Variants in QPCT observed in about 807,000 individuals in gnomAD.
QPCT encodes glutaminyl-peptide cyclotransferase.
Under a neutral mutation model 43.4 loss-of-function variants are expected in QPCT, and 44 were observed. That is an observed-to-expected ratio of 1.01 (90% confidence interval 0.80 to 1.30). The LOEUF is 1.30. QPCT is among the 50% of genes most tolerant of loss of function. QPCT has a pLI of 0.00. For synonymous variants in QPCT, 168 were observed against 168.4 expected, an observed-to-expected ratio of 1.00 and a Z score of 0.02; for missense variants, 526 against 436.5, an observed-to-expected ratio of 1.21 and a Z score of -1.83.
At chr2:37,363,036 AT>A (rs933017844) in intron 3 of QPCT, among the ~76,000 whole-genome samples, 8 of 152,210 alleles carry the variant, frequency 5.3e-5, no homozygotes, top group Non-Finnish European at 1.0e-4. Flanking sequence ...AATCGGGGAG[AT>A]TAGGCGAAAG....
chr2:37,346,030 A>C (rs1672482645), intron 1 of QPCT, among the ~76,000 whole-genome samples: 1 of 152,234 alleles, frequency 6.6e-6, no homozygotes, highest in South Asian at 2.1e-4. Context: ...AAACTTTGGC[A>C]GTGTTATTGA....
chr2:37,366,077 T>C (rs1268402426), intron 3 of QPCT, among the ~76,000 whole-genome samples: 2 of 152,140 alleles, frequency 1.3e-5, no homozygotes, highest in African/African-American at 4.8e-5. Flanking sequence ...ATTGGCATGA[T>C]TGACTGGAAT....
Position 37,367,413 on chromosome 2 carries a change from G to A in QPCT, c.723+5G>A, listed in dbSNP as rs1267392281. 1.2e-6 allele frequency: 2 copies of A among 1,612,446 alleles called. No individual in the cohort carries two copies. Among genetic ancestry groups the A allele is most frequent in the Non-Finnish European group, 8.5e-7 (1 of 1,179,466 alleles). On this transcript the variant is annotated splice_donor_5th_base_variant and intron_variant, in intron 4 of 6. Transcript: ENST00000338415. Reference sequence around the variant, plus strand: ...ACCAGCCAACTGCATGGCATGGTTAGTCTGGGCAATTTCCCTAGCACTGTA... The same window carrying A: ...ACCAGCCAACTGCATGGCATGGTTAATCTGGGCAATTTCCCTAGCACTGTA...
intron 2 of QPCT, among the ~76,000 whole-genome samples, chr2:37,355,937 T>G (rs905905895): frequency 6.6e-6 from 1 of 151,900 alleles, no homozygotes; most frequent in African/African-American, 2.4e-5. Context: ...GCACCCTCAG[T>G]CCAGCCCCCT....
At chr2:37,371,368 A>G (rs918533520) in intron 5 of QPCT, among the ~76,000 whole-genome samples, 1 of 148,526 alleles carries the variant, frequency 6.7e-6, no homozygotes, top group Non-Finnish European at 1.5e-5. Flanking sequence ...GTTGTATAAG[A>G]GAAAGCAGTG....
At chr2:37,357,113 C>G (rs1344857060) in intron 2 of QPCT, among the ~76,000 whole-genome samples, 1 of 152,066 alleles carries the variant, frequency 6.6e-6, no homozygotes, top group Non-Finnish European at 1.5e-5. Context: ...TGATCAAGAC[C>G]TAGTAACAAG....
chr2:37,362,525 A>G (rs762047149), intron 3 of QPCT, among the ~76,000 whole-genome samples: 4 of 152,266 alleles, frequency 2.6e-5, no homozygotes, highest in Non-Finnish European at 5.9e-5. Flanking sequence ...TGATTAGCGT[A>G]CAAAATTAAG....
intron 3 of QPCT, among the ~76,000 whole-genome samples, chr2:37,363,001 G>C (rs941818697): frequency 6.6e-6 from 1 of 152,210 alleles, no homozygotes; most frequent in East Asian, 1.9e-4. Context: ...GTATACAGGA[G>C]GGTGACAGTG....
intron 3 of QPCT, among the ~76,000 whole-genome samples, chr2:37,360,832 C>T (rs1672845399): frequency 6.6e-6 from 1 of 152,154 alleles, no homozygotes; most frequent in South Asian, 2.1e-4. Flanking sequence ...CTGCTTTTAA[C>T]TAGTTTCCTT....
At chr2:37,369,654 T>C (rs2124943002) in intron 4 of QPCT, 31 bp from the exon 5 acceptor site, 1 of 1,470,654 alleles carries the variant, frequency 6.8e-7, no homozygotes, top group Non-Finnish European at 9.5e-7. Context: ...GTTTTGGTGA[T>C]GGTGATTAAA....
chr2:37,352,143 C>A (rs189720269), intron 1 of QPCT, among the ~76,000 whole-genome samples: 1 of 151,784 alleles, frequency 6.6e-6, no homozygotes, highest in Non-Finnish European at 1.5e-5. Context: ...TTCATTTAAC[C>A]TAATATGTCA....
Position 37,359,506 on chromosome 2 carries a change from A to G in QPCT, c.268-74A>G. On this transcript the variant is annotated intron_variant, in intron 2 of 6. Coordinates refer to ENST00000338415, the MANE Select transcript of QPCT (RefSeq NM_012413.4). ...TTTTAATTTGAAAGGCACTACTTAA[A>G]ATTTCAGAATCACAGTTAACAAATG... The G allele has an allele frequency of 2.1e-6, 3 of 1,426,820 alleles. No homozygotes were observed. The South Asian group carries it at 4.1e-5, about 20-fold the overall frequency. 88.4% of individuals were successfully genotyped at this position (1,426,820 alleles called of 1,614,324 possible). A position where few individuals can be genotyped will look rare whatever the true frequency, so the allele number is the denominator to read the frequency against.
rs1427923491 is a variant in QPCT, at chr2:37,370,975, T to C, written c.823+1191T>C. Among the ~76,000 whole-genome samples the C allele has an allele frequency of 3.3e-5, 5 of 152,304 alleles. No homozygotes were observed. In the East Asian group the frequency reaches 9.6e-4, roughly 29 times the overall value. ...GCCACACAAACTTCTTGGAGCAAGA[T>C]AGACTTGTATTACTTCTAACAGTGG... On this transcript the variant is annotated intron_variant, in intron 5 of 6. Coordinates refer to ENST00000338415, the MANE Select transcript of QPCT (RefSeq NM_012413.4).
chr2:37,344,798 C>T lies in QPCT; in HGVS notation c.67C>T (p.Pro23Ser), dbSNP rs1228192480. Reference sequence around the variant, plus strand: ...CCTGCTGCTGCTGGTGGCCGCCCTGCCCTGGGCATCCAGGGGGGTCAGTCC... The same window carrying T: ...CCTGCTGCTGCTGGTGGCCGCCCTGTCCTGGGCATCCAGGGGGGTCAGTCC... Reference protein sequence around the residue: ...LHLLLLVAALPWASRGVSPSA... With the variant: ...LHLLLLVAALSWASRGVSPSA... The change falls in exon 1 of 7, where the codon CCC becomes TCC. Residue 23 changes from proline (P) to serine (S), a missense_variant. Coordinates refer to ENST00000338415, the MANE Select transcript of QPCT (RefSeq NM_012413.4). 2 of 1,609,102 alleles carry T rather than the reference C, an allele frequency of 1.2e-6. No individual in the cohort carries two copies. The highest frequency in any genetic ancestry group is 2.7e-5 in the African/African-American group (2 of 74,606).
At chr2:37,363,998 T>C (rs1438635623) in intron 3 of QPCT, among the ~76,000 whole-genome samples, 1 of 152,198 alleles carries the variant, frequency 6.6e-6, no homozygotes, top group Non-Finnish European at 1.5e-5. Context: ...CAATTCCAGT[T>C]AGGTCATATA....
In QPCT at chr2:37,348,409, C is replaced by G. The variant is rs535305837; in HGVS notation, c.120+3558C>G. On this transcript the variant is annotated intron_variant, in intron 1 of 6. Coordinates refer to ENST00000338415, the MANE Select transcript of QPCT (RefSeq NM_012413.4). ...TGTTCAGTTCCTAACTATTCCCCCA[C>G]TGAATTTTTTATATCAGTGGCATCC... Among the ~76,000 whole-genome samples, 62 of 152,274 alleles carry G rather than the reference C, an allele frequency of 4.1e-4. No homozygotes were observed. The South Asian group carries it at 0.013, about 31-fold the overall frequency.
At chr2:37,364,174 G>A (rs1038418761) in intron 3 of QPCT, among the ~76,000 whole-genome samples, 3 of 152,070 alleles carry the variant, frequency 2.0e-5, no homozygotes, top group African/African-American at 7.3e-5. Context: ...CATTTTCAGA[G>A]GTAAATCTCA....
At chr2:37,349,213 G>A (rs1332238395) in intron 1 of QPCT, among the ~76,000 whole-genome samples, 1 of 152,216 alleles carries the variant, frequency 6.6e-6, no homozygotes, top group Non-Finnish European at 1.5e-5. Context: ...GGGGCAAGGA[G>A]AGTCAGGGCT....
At chr2:37,356,036 C>T (rs910510615) in intron 2 of QPCT, among the ~76,000 whole-genome samples, 6 of 152,260 alleles carry the variant, frequency 3.9e-5, no homozygotes, top group Admixed American at 2.6e-4. Context: ...CGCATCCTGA[C>T]GACGATGTGT....
Sources: gnomAD v4.1 joint callset for allele counts (sites outside exome capture counted in the v4.1 genomes callset) on GRCh38, gnomAD v4.1.1 for gene constraint, MANE v1.5 for transcripts, NCBI Gene and HGNC (gene_info 2026-07-23, HGNC 2026-07-21) for gene names.